The following RGS12 variants were observed in gnomAD, a reference collection of about 807,000 sequenced individuals.
RGS12 encodes regulator of G-protein signaling 12.
In RGS12, 66 loss-of-function variants were observed where a neutral mutation model predicts 120.1. That is an observed-to-expected ratio of 0.55 (90% confidence interval 0.45 to 0.67). RGS12 has a LOEUF of 0.67. RGS12 is among the 30% of genes least tolerant of loss of function. RGS12 has a pLI of 0.00. For synonymous variants in RGS12, 827 were observed against 804.7 expected, an observed-to-expected ratio of 1.03 and a Z score of -0.47; for missense variants, 1,859 against 1,957.7, an observed-to-expected ratio of 0.95 and a Z score of 0.95.
chr4:3,422,929 A>G lies in RGS12; in HGVS notation c.3058A>G (p.Ser1020Gly). Residue 1020 changes from serine (S) to glycine (G), a missense_variant, in exon 12 of 18, where the codon AGC becomes GGC. Physicochemically the swap from Ser to Gly is moderately conservative, Grantham distance 56. Transcript: ENST00000336727. ...GCCTCTGGTGCTGCACCAAGACAGT[A>G]GCATCTTGGAGTCAAGGGACCTGCG... is the stretch of plus-strand genomic sequence containing the variant. ...DKPLVLHQDS[S>G]ILESRDLRLE... 6.2e-7 allele frequency: 1 copy of G among 1,613,346 alleles called. No homozygotes were observed. The highest frequency in any genetic ancestry group is 8.5e-7 in the Non-Finnish European group (1 of 1,179,960).
chr4:3,372,574 C>A lies in RGS12; in HGVS notation c.1999-13842C>A, dbSNP rs1004636146. 1.2e-4 allele frequency among the ~76,000 whole-genome samples: 18 copies of A among 152,212 alleles called. No homozygotes were observed. Among genetic ancestry groups the A allele is most frequent in the Non-Finnish European group, 2.6e-4 (18 of 68,040 alleles). ...CCGCCTCGGGTGCATCCACGCTGGCCCCCCCAGGTGTGCCCTGTGTGGCCG... is the reference window on the plus strand; with the variant it reads ...CCGCCTCGGGTGCATCCACGCTGGCACCCCCAGGTGTGCCCTGTGTGGCCG... On this transcript the variant is annotated intron_variant, in intron 3 of 17. Coordinates refer to ENST00000336727, the MANE Select transcript of RGS12 (RefSeq NM_001394154.1). This position sits in a 1 kb window ranked among gnomAD's most constrained non-coding sequence, Gnocchi z 4.3.
chr4:3,328,821 G>T (rs1430795119), intron 2 of RGS12, among the ~76,000 whole-genome samples: 2 of 152,150 alleles, frequency 1.3e-5, no homozygotes, highest in East Asian at 1.9e-4. Flanking sequence ...TTTTGACCTG[G>T]CTGCCCTGGT....
chr4:3,422,824 C>A, intron 11 of RGS12, 81 bp from the exon 12 acceptor site: 1 of 1,266,210 alleles, frequency 7.9e-7, no homozygotes, highest in Non-Finnish European at 1.2e-6. Flanking sequence ...CTCTGCACAG[C>A]TGTGTGCCTG....
intron 1 of RGS12, among the ~76,000 whole-genome samples, chr4:3,302,147 C>G (rs752693568): frequency 6.6e-5 from 10 of 152,180 alleles, no homozygotes; most frequent in South Asian, 2.1e-4. Context: ...CTTCAGTGTT[C>G]CAAAGATACT....
chr4:3,362,036 C>T (rs1239611010), intron 3 of RGS12, among the ~76,000 whole-genome samples: 1 of 152,218 alleles, frequency 6.6e-6, no homozygotes, highest in Non-Finnish European at 1.5e-5. Context: ...CCCTCACCCA[C>T]AGCAGGCTGC....
rs372490658 is a variant in RGS12, at chr4:3,355,794, CAAAA to C, written c.1998+12760_1998+12763del. 1.4e-4 allele frequency among the ~76,000 whole-genome samples: 8 copies of C among 58,082 alleles called. No individual in the cohort carries two copies. In the South Asian group the frequency reaches 4.4e-3, roughly 32 times the overall value. 38.1% of individuals were successfully genotyped at this position (58,082 alleles called of 152,430 possible). ...TGGGGGACAAAGTGAGACCTTGTCT[CAAAA>C]AAAAAAAAAAAAAAAAAAGGAAAAA... On this transcript the variant is annotated intron_variant, in intron 3 of 17. Coordinates refer to ENST00000336727, the MANE Select transcript of RGS12 (RefSeq NM_001394154.1).
In RGS12 at chr4:3,342,946, T is replaced by C; in HGVS notation, c.1891T>C (p.Phe631Leu). The change falls in exon 3 of 18, where the codon TTT becomes CTT. Residue 631 changes from phenylalanine to leucine, a missense_variant. Around this residue, in one of 3 missense-constraint regions of RGS12, gnomAD observed 967 missense variants for 994.2 expected, o/e 0.97. Transcript: ENST00000336727. The part of the protein sequence containing the change: ...KTKEDKKGSK[F>L]GRGTGLTQPS... ...TTTTCTTCGTGTTTAGGGCTCAAAA[T>C]TTGGGCGGGGAACTGGACTCACTCA... The C allele has an allele frequency of 6.2e-7, 1 of 1,613,452 alleles. No individual in the cohort carries two copies.
chr4:3,417,855 A>C (rs1722578112), intron 9 of RGS12: 1 of 289,112 alleles, frequency 3.5e-6, no homozygotes, highest in African/African-American at 2.2e-5. Context: ...CCTGCTTTTC[A>C]CTATCCAAGT....
At chr4:3,351,460 A>G (rs1316965299) in intron 3 of RGS12, among the ~76,000 whole-genome samples, 1 of 152,110 alleles carries the variant, frequency 6.6e-6, no homozygotes, top group Non-Finnish European at 1.5e-5. Context: ...AGCAATTGTT[A>G]GACAAACCTA....
intron 1 of RGS12, among the ~76,000 whole-genome samples, chr4:3,293,818 AGTGTAGACCGAGAGGGGGCCCAGAGCCG>A (rs1280944419): frequency 6.1e-5 from 9 of 146,354 alleles, no homozygotes; most frequent in African/African-American, 1.6e-4. Flanking sequence ...AGAGCCGTGG[AGTGTAGACCGAGAGGGGGCCCAGAGCCG>A]TGGAGTGTAG....
intron 2 of RGS12, among the ~76,000 whole-genome samples, chr4:3,331,732 A>G (rs1244639967): frequency 2.6e-5 from 4 of 152,214 alleles, no homozygotes; most frequent in African/African-American, 9.6e-5. Context: ...CCCGGGGGCC[A>G]GCATCGCACT....
chr4:3,291,725 C>A (rs1241916256), upstream of RGS12, among the ~76,000 whole-genome samples: 1 of 152,080 alleles, frequency 6.6e-6, no homozygotes, highest in Non-Finnish European at 1.5e-5. Flanking sequence ...TGTTAAGTAT[C>A]TCTCTCTCTT....
chr4:3,316,812 A>C lies in RGS12; in HGVS notation c.642A>C (p.Glu214Asp). The C allele has an allele frequency of 6.2e-7, 1 of 1,614,198 alleles. No individual in the cohort carries two copies. Among genetic ancestry groups the C allele is most frequent in the Non-Finnish European group, 8.5e-7 (1 of 1,180,026 alleles). Residue 214 changes from glutamate (E) to aspartate (D), a missense_variant, in exon 2 of 18, where the codon GAA (glutamate) becomes GAC (aspartate). By Grantham distance (45) the Glu-to-Asp change is conservative (BLOSUM62 2). Coordinates refer to ENST00000336727, the MANE Select transcript of RGS12 (RefSeq NM_001394154.1). ...ATTCGGTTTTCAGCATTGGACTAGAAAGTCATGACGATTTTGCATTGGATG... is the reference window on the plus strand; with the variant it reads ...ATTCGGTTTTCAGCATTGGACTAGACAGTCATGACGATTTTGCATTGGATG... ...HDDSVFSIGL[E>D]SHDDFALDAS...
At chr4:3,413,040 C>T (rs1275828882) in intron 4 of RGS12, 2 of 89,456 alleles carry the variant, frequency 2.2e-5, no homozygotes, top group African/African-American at 4.6e-5. Flanking sequence ...CCACACTGCT[C>T]GCGTCAGGAG....
intron 4 of RGS12, among the ~76,000 whole-genome samples, chr4:3,405,964 G>A (rs1370812582): frequency 6.6e-6 from 1 of 151,994 alleles, no homozygotes; most frequent in Non-Finnish European, 1.5e-5. Flanking sequence ...GGCTGGTTTG[G>A]GTGTGAACAA....
chr4:3,415,903 T>C, intron 6 of RGS12, 75 bp from the exon 7 acceptor site: 1 of 1,483,596 alleles, frequency 6.7e-7, no homozygotes, highest in Non-Finnish European at 9.1e-7. Context: ...AGCCCGGGGG[T>C]GTCGGGCCTT....
At chr4:3,402,994 G>A (rs973051861) in intron 4 of RGS12, among the ~76,000 whole-genome samples, 2 of 152,178 alleles carry the variant, frequency 1.3e-5, no homozygotes, top group African/African-American at 4.8e-5. Context: ...TCTAAGCCTA[G>A]AATCCTAAAA....
intron 1 of RGS12, among the ~76,000 whole-genome samples, chr4:3,304,370 A>G (rs1723858448): frequency 6.6e-6 from 1 of 152,212 alleles, no homozygotes; most frequent in Non-Finnish European, 1.5e-5. Context: ...TCAGGAGACT[A>G]AAGCTACCCA....
intron 7 of RGS12, among the ~76,000 whole-genome samples, chr4:3,416,576 T>G (rs1722424187): frequency 6.6e-6 from 1 of 152,232 alleles, no homozygotes; most frequent in Non-Finnish European, 1.5e-5. Flanking sequence ...CAAAGCAGTC[T>G]ACTGTAAGAT....
Sources: allele counts gnomAD v4.1 joint callset (sites outside exome capture counted in the v4.1 genomes callset), GRCh38; gene constraint gnomAD v4.1.1; regional missense constraint gnomAD v4.1.1; non-coding constraint Gnocchi (gnomAD v3.1); transcripts MANE v1.5; gene names NCBI Gene and HGNC (gene_info 2026-07-23, HGNC 2026-07-21).